RSPH9: variants seen among roughly 807,000 people sequenced by gnomAD.
RSPH9 encodes the protein radial spoke head component 9.
A neutral mutation model predicts 27.0 loss-of-function variants in RSPH9; 27 were observed. That is an observed-to-expected ratio of 1.00 (90% CI 0.74 to 1.38). RSPH9 has a LOEUF of 1.38. Among genes scored for constraint, RSPH9 ranks in the 40% most tolerant of loss-of-function variants. The pLI is 0.00. For synonymous variants in RSPH9, 145 were observed against 147.7 expected (o/e 0.98, Z 0.13); for missense variants, 347 against 357.4 (o/e 0.97, Z 0.24).
intron 4 of RSPH9, among the ~76,000 whole-genome samples, chr6:43,661,764 A>C (rs557439875): frequency 1.3e-5 from 2 of 151,974 alleles, no homozygotes; most frequent in South Asian, 2.1e-4. Context: ...TAGCCGCCTT[A>C]ATCAGTGATC....
chr6:43,651,493 T>G (rs1388158447), intron 2 of RSPH9, among the ~76,000 whole-genome samples: 1 of 152,198 alleles, frequency 6.6e-6, no homozygotes, highest in Non-Finnish European at 1.5e-5. Flanking sequence ...CTCCCATCTC[T>G]GTCCACCAGT....
In RSPH9 at chr6:43,671,953, G is replaced by C. The variant is rs926169642; in HGVS notation, c.*1004G>C. 2.0e-6 allele frequency: 3 copies of C among 1,528,314 alleles called. No individual in the cohort carries two copies. The African/African-American group carries it at 4.1e-5, about 21-fold the overall frequency. 94.7% of individuals were successfully genotyped at this position (1,528,314 alleles called of 1,614,324 possible). Reference sequence around the variant, plus strand: ...GTGCCTGTGAGGGCTGGGGGCCCAAGCTGGACGTGGGAGAGTGGAGCACTA... The same window carrying C: ...GTGCCTGTGAGGGCTGGGGGCCCAACCTGGACGTGGGAGAGTGGAGCACTA... On this transcript the variant is annotated 3_prime_UTR_variant, in exon 5 of 5. Transcript: ENST00000372163.
At chr6:43,665,405 A>C (rs1470533064) in intron 4 of RSPH9, among the ~76,000 whole-genome samples, 1 of 152,236 alleles carries the variant, frequency 6.6e-6, no homozygotes, top group Non-Finnish European at 1.5e-5. Flanking sequence ...TTGGGAGGCC[A>C]AGGTGGCAGA....
At chr6:43,645,360 TGGC>T in intron 1 of RSPH9, 35 bp downstream of exon 1, 1 of 313,016 alleles carries the variant, frequency 3.2e-6, no homozygotes, top group Non-Finnish European at 5.0e-6. Flanking sequence ...CCCCAGAGGG[TGGC>T]TACCTGGAGG....
intron 4 of RSPH9, among the ~76,000 whole-genome samples, chr6:43,666,169 G>T (rs13195052): frequency 6.6e-6 from 1 of 152,182 alleles, no homozygotes; most frequent in Non-Finnish European, 1.5e-5. Flanking sequence ...GGGTCATGGC[G>T]ATGGAGTGGA....
At position 43,663,088 on chromosome 6, in the gene RSPH9, AT is replaced by A. The variant is rs528648343; in HGVS notation, c.670+6366del. On this transcript the variant is annotated intron_variant, in intron 4 of 4. Transcript: ENST00000372163. ...GCTGGGATTACAGGGATGAACCACC[AT>A]GCCTGGCTCTATCTCAGCTTCTGAC... Among the ~76,000 whole-genome samples, 4 of 152,258 alleles carry A rather than the reference AT, an allele frequency of 2.6e-5. No individual in the cohort carries two copies. The South Asian group carries it at 8.3e-4, about 32-fold the overall frequency.
chr6:43,645,368 T>TCCGGGG, intron 1 of RSPH9, 43 bp downstream of exon 1: 2 of 156,074 alleles, frequency 1.3e-5, no homozygotes, highest in Non-Finnish European at 2.4e-5. Context: ...GGTGGCTACC[T>TCCGGGG]GGAGGCAGGG....
At position 43,656,600 on chromosome 6, in the gene RSPH9, A is replaced by C; in HGVS notation, c.547A>C (p.Lys183Gln). The C allele has an allele frequency of 6.2e-7, 1 of 1,614,184 alleles. No individual in the cohort carries two copies. The highest frequency in any genetic ancestry group is 1.1e-5 in the South Asian group (1 of 91,086). ...AGGACTGTCCTTGTCTGAGGCCAAG[A>C]AGCTCAGCTCCTACTTCCATTTCAG... ...FEGLSLSEAK[K>Q]LSSYFHFREP... Residue 183 changes from lysine to glutamine, a missense_variant, in exon 4 of 5, where the codon AAG becomes CAG. Coordinates refer to ENST00000372163, the MANE Select transcript of RSPH9 (RefSeq NM_152732.5).
chr6:43,658,922 C>T (rs958927924), intron 4 of RSPH9, among the ~76,000 whole-genome samples: 6 of 151,942 alleles, frequency 3.9e-5, no homozygotes, highest in Non-Finnish European at 8.8e-5. Context: ...TTCTTGACCT[C>T]GTGATCTGCC....
rs374729950 is a variant in RSPH9 at position 43,653,602 on chromosome 6, C to T, written c.394-1960C>T. ...CAGAATTCAAAGCACAGCTGTTGCA[C>T]TTGAACCTGGGTGATGCCGAAAGTC... On this transcript the variant is annotated intron_variant, in intron 2 of 4. Transcript: ENST00000372163. 1.4e-4 allele frequency among the ~76,000 whole-genome samples: 22 copies of T among 152,292 alleles called. No homozygotes were observed. In the East Asian group the frequency reaches 2.5e-3, roughly 17 times the overall value.
intron 4 of RSPH9, among the ~76,000 whole-genome samples, chr6:43,669,624 C>T (rs1207683856): frequency 2.6e-5 from 4 of 152,266 alleles, no homozygotes; most frequent in Non-Finnish European, 5.9e-5. Flanking sequence ...AACACCAAAA[C>T]TTTCAAAGCA....
intron 4 of RSPH9, among the ~76,000 whole-genome samples, chr6:43,657,479 A>G (rs1159152018): frequency 6.6e-6 from 1 of 152,220 alleles, no homozygotes; most frequent in Admixed American, 6.5e-5. Flanking sequence ...TCAGAGAGTT[A>G]AACCCAAGGA....
intron 4 of RSPH9, among the ~76,000 whole-genome samples, chr6:43,669,236 G>A (rs959413217): frequency 2.6e-5 from 4 of 152,340 alleles, no homozygotes; most frequent in East Asian, 1.9e-4. Flanking sequence ...TTGCATGGGC[G>A]ATGGCACTTG....
At chr6:43,663,649 G>C (rs974860211) in intron 4 of RSPH9, among the ~76,000 whole-genome samples, 3 of 152,088 alleles carry the variant, frequency 2.0e-5, no homozygotes, top group Non-Finnish European at 4.4e-5. Flanking sequence ...CATCTTAAAT[G>C]GATGTAGTTC....
In RSPH9 at chr6:43,645,109, A is replaced by G. The variant is rs532399493; in HGVS notation, c.11A>G (p.Asp4Gly). The change falls in exon 1 of 5, where the codon GAC becomes GGC. Residue 4 changes from aspartate (D) to glycine (G), a missense_variant. Coordinates refer to ENST00000372163, the MANE Select transcript of RSPH9 (RefSeq NM_152732.5). MDA[D>G]SLLLSLELAS... Reference sequence around the variant, plus strand: ...GGAGCCGCTGACCTGATGGACGCCGACAGCCTCCTGCTGTCTCTGGAGCTG... The same window carrying G: ...GGAGCCGCTGACCTGATGGACGCCGGCAGCCTCCTGCTGTCTCTGGAGCTG... The G allele has an allele frequency of 3.1e-6, 5 of 1,611,868 alleles. No individual in the cohort carries two copies. In the Admixed American group the frequency reaches 8.3e-5, roughly 27 times the overall value.
intron 3 of RSPH9, 25 bp downstream of exon 3, chr6:43,655,716 A>G (rs1389190935): frequency 6.2e-7 from 1 of 1,613,998 alleles, no homozygotes. Flanking sequence ...GCCCCTCTCA[A>G]GGGCTGGGGG....
intron 4 of RSPH9, among the ~76,000 whole-genome samples, chr6:43,659,713 T>C (rs1224004863): frequency 6.6e-6 from 1 of 150,888 alleles, no homozygotes; most frequent in African/African-American, 2.4e-5. Flanking sequence ...TTTCTACTTT[T>C]TACTTTTATT....
At chr6:43,655,493 A>C in intron 2 of RSPH9, 69 bp from the exon 3 acceptor site, 1 of 1,590,344 alleles carries the variant, frequency 6.3e-7, no homozygotes, top group Non-Finnish European at 8.6e-7. Flanking sequence ...ATGGCCGTGC[A>C]GAGGGACCTT....
intron 4 of RSPH9, among the ~76,000 whole-genome samples, chr6:43,666,933 G>A (rs983496092): frequency 6.6e-6 from 1 of 152,156 alleles, no homozygotes; most frequent in African/African-American, 2.4e-5. Context: ...TAGCAGAGAT[G>A]AGGTTTCACC....
Sources: gnomAD v4.1 joint callset for allele counts (sites outside exome capture counted in the v4.1 genomes callset) on GRCh38, gnomAD v4.1.1 for gene constraint, MANE v1.5 for transcripts, NCBI Gene and HGNC (gene_info 2026-07-23, HGNC 2026-07-21) for gene names.